Variants in RYR2 observed in about 807,000 individuals in gnomAD.
RYR2 encodes cardiac muscle ryanodine receptor-calcium release channel.
In RYR2, 227 loss-of-function variants were observed where a neutral mutation model predicts 601.1. The observed-to-expected ratio is 0.38, with a 90% confidence interval of 0.34 to 0.42. The LOEUF is 0.42. Among genes scored for constraint, RYR2 ranks in the 10% least tolerant of loss-of-function variants. The probability of loss-of-function intolerance (pLI) is 1.00; values close to 1 mark genes in which losing one functional copy is unlikely to be tolerated. For missense variants in RYR2, 4,646 were observed against 6,156.5 expected (o/e 0.75, Z 8.21); for synonymous variants, 2,223 against 2,175.1 (o/e 1.02, Z -0.61).
chr1:237,743,498 A>G, intron 80 of RYR2: 1 of 478,312 alleles, frequency 2.1e-6, no homozygotes, highest in East Asian at 5.7e-5. Context: ...TGAGCAGCAG[A>G]TAATATTGTT....
chr1:237,072,954 A>C (rs1558185408), intron 1 of RYR2, among the ~76,000 whole-genome samples: 1 of 151,010 alleles, frequency 6.6e-6, no homozygotes, highest in African/African-American at 2.4e-5. Context: ...TCTCAAAAAA[A>C]AAAAAAAAAA....
intron 25 of RYR2, among the ~76,000 whole-genome samples, chr1:237,546,630 C>T (rs1390200246): frequency 6.6e-6 from 1 of 152,086 alleles, no homozygotes; most frequent in Non-Finnish European, 1.5e-5. Context: ...ATCCACCTGC[C>T]TCGGCCTCCC....
intron 74 of RYR2, 107 bp downstream of exon 74, chr1:237,723,369 T>G (rs1689912484): frequency 2.7e-6 from 2 of 731,898 alleles, no homozygotes; most frequent in Admixed American, 5.6e-5. Context: ...ACATATATGT[T>G]CAGCATATTC....
intron 11 of RYR2, among the ~76,000 whole-genome samples, chr1:237,419,002 A>T (rs1333867113): frequency 6.6e-6 from 1 of 152,006 alleles, no homozygotes; most frequent in Non-Finnish European, 1.5e-5. Context: ...TTTTGTGATT[A>T]TTCAGATAAT....
At chr1:237,623,075 GA>G (rs1483689737) in intron 38 of RYR2, among the ~76,000 whole-genome samples, 1 of 152,162 alleles carries the variant, frequency 6.6e-6, no homozygotes, top group Admixed American at 6.5e-5. Context: ...ATGTTAGCTA[GA>G]AAATAATGGA....
intron 100 of RYR2, among the ~76,000 whole-genome samples, chr1:237,814,965 CTTTTTTTT>C (rs11314213): frequency 1.1e-4 from 10 of 93,930 alleles, no homozygotes; most frequent in Admixed American, 5.2e-4. Flanking sequence ...TTTCTTTTTT[CTTTTTTTT>C]TTTTTTTTTT....
chr1:237,309,031 A>C (rs1186042124), intron 2 of RYR2, among the ~76,000 whole-genome samples: 1 of 152,238 alleles, frequency 6.6e-6, no homozygotes, highest in Non-Finnish European at 1.5e-5. Context: ...ACAAACCTTG[A>C]GCTAGACACA....
At chr1:237,437,956 T>C (rs1214472482) in intron 12 of RYR2, among the ~76,000 whole-genome samples, 2 of 152,152 alleles carry the variant, frequency 1.3e-5, no homozygotes, top group Non-Finnish European at 2.9e-5. Context: ...AAATTTTATA[T>C]AGTCTTTTGA....
chr1:237,309,398 A>C (rs1694274249), intron 2 of RYR2, among the ~76,000 whole-genome samples: 1 of 151,508 alleles, frequency 6.6e-6, no homozygotes, highest in Non-Finnish European at 1.5e-5. Flanking sequence ...CCTTAGCTAG[A>C]CATAAAGGTT....
rs1454217429 is a variant in RYR2, at chr1:237,639,100, A to T, written c.7014A>T (p.Glu2338Asp). 3.1e-6 allele frequency: 5 copies of T among 1,613,888 alleles called. No individual in the cohort carries two copies. ...GTTTTGGTCCTGCTTTGAGAGGAGAAGGTGGGAATGGGCTTCTTGCAGCAA... is the reference window on the plus strand; with the variant it reads ...GTTTTGGTCCTGCTTTGAGAGGAGATGGTGGGAATGGGCTTCTTGCAGCAA... ...PECFGPALRG[E>D]GGNGLLAAME... The change falls in exon 46 of 105, where the codon GAA becomes GAT. Residue 2338 changes from glutamate to aspartate, a missense_variant. By Grantham distance (45) the Glu-to-Asp change is conservative. Coordinates refer to ENST00000366574, the MANE Select transcript of RYR2 (RefSeq NM_001035.3).
chr1:237,692,183 C>T (rs116164267), intron 63 of RYR2, among the ~76,000 whole-genome samples: 2,472 of 152,218 alleles, frequency 0.016, 48 homozygotes, highest in African/African-American at 0.055. Context: ...CTTGATGATA[C>T]TCATTTTATG....
intron 1 of RYR2, among the ~76,000 whole-genome samples, chr1:237,217,021 A>G (rs1367297054): frequency 6.6e-6 from 1 of 152,192 alleles, no homozygotes; most frequent in Non-Finnish European, 1.5e-5. Context: ...TTAGTCCCGA[A>G]TAAGAAGCAG....
chr1:237,546,454 T>A (rs1669812233), intron 25 of RYR2, among the ~76,000 whole-genome samples: 1 of 152,188 alleles, frequency 6.6e-6, no homozygotes, highest in Non-Finnish European at 1.5e-5. Flanking sequence ...CTCGGCTCAC[T>A]GCAACCTCTG....
chr1:237,676,770 T>C (rs1685435925), intron 60 of RYR2, among the ~76,000 whole-genome samples: 1 of 152,186 alleles, frequency 6.6e-6, no homozygotes, highest in Non-Finnish European at 1.5e-5. Context: ...CTTTTTCTAA[T>C]TGTTGTATAA....
At chr1:237,313,165 TTAAA>T (rs1199188792) in intron 2 of RYR2, among the ~76,000 whole-genome samples, 1 of 149,996 alleles carries the variant, frequency 6.7e-6, no homozygotes, top group African/African-American at 2.5e-5. Flanking sequence ...ACAGATATAG[TTAAA>T]ATAATTTTAT....
rs1359233766 is a variant in RYR2 at position 237,792,382 on chromosome 1, CGTGTGTGTGT to C, written c.13782+65_13782+74del. On this transcript the variant is annotated intron_variant, in intron 94 of 104. Transcript: ENST00000366574. ...GTGTGTGTGTGTGTGTGTGTGTGTGCGTGTGTGTGTGTGTGCGTGTGTGTGTGTGTGTGTG... is the reference window on the plus strand; with the variant it reads ...GTGTGTGTGTGTGTGTGTGTGTGTGCGTGTGCGTGTGTGTGTGTGTGTGTG... 0.017 allele frequency: 11,585 copies of C among 667,052 alleles called. 907 individuals carry two copies. The African/African-American group carries it at 0.23, about 13-fold the overall frequency. The allele number at this position is 667,052 out of a possible 1,614,324, so 41.3% of individuals were successfully genotyped here. A position where few individuals can be genotyped will look rare whatever the true frequency, so the allele number is the denominator to read the frequency against.
intron 1 of RYR2, among the ~76,000 whole-genome samples, chr1:237,170,355 C>A (rs1042136884): frequency 6.6e-6 from 1 of 151,990 alleles, no homozygotes. Context: ...TTGAAGGCAT[C>A]GGGAGGGAGT....
intron 11 of RYR2, among the ~76,000 whole-genome samples, chr1:237,418,981 G>A (rs1447557755): frequency 6.6e-6 from 1 of 151,356 alleles, no homozygotes; most frequent in Admixed American, 6.6e-5. Context: ...AAAACTCATA[G>A]CTTTTATATA....
At chr1:237,354,056 T>A (rs1043939927) in intron 3 of RYR2, among the ~76,000 whole-genome samples, 1 of 152,182 alleles carries the variant, frequency 6.6e-6, no homozygotes, top group African/African-American at 2.4e-5. Flanking sequence ...TAATTACAAC[T>A]TTATTGTATG....
Sources: allele counts gnomAD v4.1 joint callset (sites outside exome capture counted in the v4.1 genomes callset), GRCh38; gene constraint gnomAD v4.1.1; transcripts MANE v1.5; gene names NCBI Gene and HGNC (gene_info 2026-07-23, HGNC 2026-07-21).